PRSS3: variants seen among roughly 807,000 people sequenced by gnomAD.
The protein encoded by PRSS3 is trypsin-3.
A neutral mutation model predicts 20.8 loss-of-function variants in PRSS3; 14 were observed. The observed-to-expected ratio is 0.67, with a 90% confidence interval of 0.44 to 1.05. The LOEUF is 1.05. PRSS3 is among the 50% of genes least tolerant of loss of function. The pLI, the probability that PRSS3 is intolerant of heterozygous loss-of-function variation, is 0.00. For synonymous variants in PRSS3, 91 were observed against 117.6 expected (o/e 0.77, Z 1.46); for missense variants, 237 against 306.4 (o/e 0.77, Z 1.69).
intron 1 of PRSS3, among the ~76,000 whole-genome samples, chr9:33,788,448 T>C (rs1283859425): frequency 2.6e-5 from 4 of 152,228 alleles, no homozygotes; most frequent in Admixed American, 2.6e-4. Flanking sequence ...ATGGAAAATA[T>C]ATAATCAAGA....
chr9:33,763,465 C>T (rs1000966134), intron 1 of PRSS3, among the ~76,000 whole-genome samples: 48 of 151,680 alleles, frequency 3.2e-4, no homozygotes, highest in Admixed American at 5.9e-4. Context: ...TTTGGGAGGC[C>T]GAGGCAGGCG....
intron 1 of PRSS3, among the ~76,000 whole-genome samples, chr9:33,765,308 T>C (rs926746252): frequency 6.6e-6 from 1 of 152,224 alleles, no homozygotes; most frequent in African/African-American, 2.4e-5. Context: ...TTAACAATAA[T>C]AGTAGGACTA....
At chr9:33,764,906 A>T (rs1283482793) in intron 1 of PRSS3, among the ~76,000 whole-genome samples, 1 of 152,232 alleles carries the variant, frequency 6.6e-6, no homozygotes, top group African/African-American at 2.4e-5. Flanking sequence ...ACATGAAAAG[A>T]TGCTCAACAT....
chr9:33,772,163 C>A (rs1198905455), intron 1 of PRSS3, among the ~76,000 whole-genome samples: 1 of 152,032 alleles, frequency 6.6e-6, no homozygotes, highest in Non-Finnish European at 1.5e-5. Context: ...TAAGCCACCG[C>A]GCGCAGCCCC....
rs146980577 is a variant in PRSS3, at chr9:33,796,764, C to T, written c.162C>T (p.Ser54=). Reference sequence around the variant, plus strand: ...ACTTCTGCGGTGGCTCCCTCATCAGCGAACAGTGGGTGGTATCAGCAGCTC... The same window carrying T: ...ACTTCTGCGGTGGCTCCCTCATCAGTGAACAGTGGGTGGTATCAGCAGCTC... ...GSHFCGGSLI[S]EQWVVSAAHC... is the part of the protein sequence containing the mutation. Residue 54 remains serine, a synonymous_variant, in exon 2 of 5, where the codon AGC becomes AGT. Transcript: ENST00000379405. The T allele has an allele frequency of 2.3e-4, 371 of 1,607,510 alleles. No individual in the cohort carries two copies. In the African/African-American group the frequency reaches 3.8e-3, roughly 16 times the overall value.
intron 1 of PRSS3, among the ~76,000 whole-genome samples, chr9:33,778,618 T>C (rs1322163757): frequency 6.6e-6 from 1 of 152,196 alleles, no homozygotes; most frequent in Non-Finnish European, 1.5e-5. Flanking sequence ...GCAAAAGGCA[T>C]GCAAGACTTG....
At chr9:33,762,826 G>A (rs1199465230) in intron 1 of PRSS3, among the ~76,000 whole-genome samples, 2 of 152,170 alleles carry the variant, frequency 1.3e-5, no homozygotes, top group Admixed American at 1.3e-4. Context: ...ATTCTTCCAG[G>A]AGAGAAGCCC....
At chr9:33,764,490 A>G (rs2380862) in intron 1 of PRSS3, among the ~76,000 whole-genome samples, 1 of 152,262 alleles carries the variant, frequency 6.6e-6, no homozygotes, top group Non-Finnish European at 1.5e-5. Context: ...CCGAGATTGC[A>G]CCATTGCACT....
At chr9:33,791,232 A>T (rs1371260557), upstream of PRSS3, among the ~76,000 whole-genome samples, 1 of 152,240 alleles carries the variant, frequency 6.6e-6, no homozygotes, top group East Asian at 1.9e-4. Context: ...TATGGGTTCT[A>T]CAGAGAAGCA....
At chr9:33,778,294 A>T (rs1824030157) in intron 1 of PRSS3, among the ~76,000 whole-genome samples, 1 of 152,174 alleles carries the variant, frequency 6.6e-6, no homozygotes, top group Non-Finnish European at 1.5e-5. Context: ...AATACTAAAC[A>T]TGTTCAAGAT....
At chr9:33,765,858 A>G (rs1348722078) in intron 1 of PRSS3, among the ~76,000 whole-genome samples, 1 of 152,250 alleles carries the variant, frequency 6.6e-6, no homozygotes, top group Non-Finnish European at 1.5e-5. Flanking sequence ...TATACACACA[A>G]AAACATGCAG....
chr9:33,767,179 G>C (rs1823471549), intron 1 of PRSS3, among the ~76,000 whole-genome samples: 1 of 152,154 alleles, frequency 6.6e-6, no homozygotes, highest in South Asian at 2.1e-4. Flanking sequence ...AATTGGCCAG[G>C]CCTGGTGGCT....
intron 1 of PRSS3, among the ~76,000 whole-genome samples, chr9:33,782,146 C>T (rs1824210502): frequency 6.6e-6 from 1 of 152,190 alleles, no homozygotes; most frequent in Non-Finnish European, 1.5e-5. Context: ...ACTCTGAGTA[C>T]CCAGTGAGTT....
chr9:33,783,791 G>A (rs1261891035), intron 1 of PRSS3, among the ~76,000 whole-genome samples: 2 of 151,804 alleles, frequency 1.3e-5, no homozygotes, highest in East Asian at 1.9e-4. Flanking sequence ...TTGGGAGGCT[G>A]AGGCAGGAGA....
Position 33,798,482 on chromosome 9 carries a change from A to C in PRSS3, c.455-4A>C. The C allele has an allele frequency of 1.2e-6, 2 of 1,613,628 alleles. No homozygotes were observed. Among genetic ancestry groups the C allele is most frequent in the Non-Finnish European group, 1.7e-6 (2 of 1,179,820 alleles). Reference sequence around the variant, plus strand: ...TTTCTTTGATCTCTTCCTGATCCTCACAGCTGACTACCCAGACGAGCTGAA... The same window carrying C: ...TTTCTTTGATCTCTTCCTGATCCTCCCAGCTGACTACCCAGACGAGCTGAA... On this transcript the variant is annotated splice_region_variant and splice_polypyrimidine_tract_variant and intron_variant, in intron 3 of 4. Transcript: ENST00000379405.
intron 1 of PRSS3, among the ~76,000 whole-genome samples, chr9:33,764,079 T>A (rs933002258): frequency 2.6e-5 from 4 of 152,136 alleles, no homozygotes; most frequent in Non-Finnish European, 4.4e-5. Flanking sequence ...CTGTAAAGAG[T>A]TGATGAAATC....
chr9:33,798,542 T>A lies in PRSS3; in HGVS notation c.511T>A (p.Cys171Ser). The A allele has an allele frequency of 1.2e-6, 2 of 1,613,878 alleles. No homozygotes were observed. The highest frequency in any genetic ancestry group is 2.2e-5 in the South Asian group (2 of 91,054). Residue 171 changes from cysteine to serine, a missense_variant, in exon 4 of 5, where the codon TGT becomes AGT. Cys to Ser is a moderately radical substitution (Grantham distance 112). Transcript: ENST00000379405. ...LDAPVLTQAE[C>S]KASYPGKITN... ...TGCTCCGGTGCTGACCCAGGCTGAG[T>A]GTAAAGCCTCCTACCCTGGAAAGAT...
chr9:33,796,799 A>C lies in PRSS3; in HGVS notation c.197A>C (p.Lys66Thr). Residue 66 changes from lysine (K) to threonine (T), a missense_variant, in exon 2 of 5, where the codon AAG becomes ACG. Physicochemically the swap from Lys to Thr is moderately conservative, Grantham distance 78. Coordinates refer to ENST00000379405, the MANE Select transcript of PRSS3 (RefSeq NM_002771.4). ...QWVVSAAHCY[K>T]TRIQVRLGEH... is the part of the protein sequence containing the mutation. ...GTGGTATCAGCAGCTCACTGCTACA[A>C]GACGTAAGTGTGGGGCCCCTGACTG... The C allele has an allele frequency of 1.2e-6, 2 of 1,613,996 alleles. No individual in the cohort carries two copies. Among genetic ancestry groups the C allele is most frequent in the South Asian group, 2.2e-5 (2 of 91,076 alleles).
rs114121442 is a variant in PRSS3 at position 33,762,413 on chromosome 9, C to T, written c.-53+11686C>T. ...TAACTGAAGTTCAGGACTGCGGCCA[C>T]AGTCACATCCACCTGTGAGCAATGG... is the stretch of plus-strand genomic sequence containing the variant. On this transcript the variant is annotated intron_variant, in intron 1 of 5. Transcript: ENST00000342836. Among the ~76,000 whole-genome samples, 921 of 152,344 alleles carry T rather than the reference C, an allele frequency of 6.0e-3. 8 individuals are homozygous for T. Among genetic ancestry groups the T allele is most frequent in the African/African-American group, 0.021 (871 of 41,568 alleles).
Sources: gnomAD v4.1 joint callset for allele counts (sites outside exome capture counted in the v4.1 genomes callset) on GRCh38, gnomAD v4.1.1 for gene constraint, MANE v1.5 for transcripts, NCBI Gene and HGNC (gene_info 2026-07-23, HGNC 2026-07-21) for gene names.